The following GOLM1 variants were observed in gnomAD, a reference collection of about 807,000 sequenced individuals.
GOLM1 encodes the protein golgi membrane protein 1.
GOLM1 carries 31 observed loss-of-function variants against 50.5 expected under a neutral mutation model. The observed-to-expected ratio is 0.61, with a 90% confidence interval of 0.46 to 0.83. GOLM1 has a LOEUF of 0.83. GOLM1 is among the 40% of genes least tolerant of loss of function. The pLI, the probability that GOLM1 is intolerant of heterozygous loss-of-function variation, is 0.00. For missense variants in GOLM1, 491 were observed against 501.3 expected (o/e 0.98, Z 0.20); for synonymous variants, 178 against 192.8 (o/e 0.92, Z 0.64).
At chr9:86,071,104 C>CACACAT (rs1479066760) in intron 3 of GOLM1, among the ~76,000 whole-genome samples, 1 of 151,728 alleles carries the variant, frequency 6.6e-6, no homozygotes. Context: ...CACACACACA[C>CACACAT]ACGTATATTT....
At chr9:86,071,534 C>G (rs994945695) in intron 3 of GOLM1, among the ~76,000 whole-genome samples, 3 of 151,862 alleles carry the variant, frequency 2.0e-5, no homozygotes, top group African/African-American at 7.3e-5. Context: ...CAAAAATTAG[C>G]CGGGTGTGGT....
chr9:86,061,786 T>C (rs1007351294), intron 3 of GOLM1, among the ~76,000 whole-genome samples: 5 of 151,992 alleles, frequency 3.3e-5, no homozygotes, highest in African/African-American at 4.8e-5. Context: ...TGAGTGTGAG[T>C]TGAACTGAGT....
Position 86,035,365 on chromosome 9 carries a change from C to T in GOLM1, c.1015+3G>A, listed in dbSNP as rs759497142. 10 of 1,612,720 alleles carry T rather than the reference C, an allele frequency of 6.2e-6. No homozygotes were observed. The highest frequency in any genetic ancestry group is 8.5e-6 in the Non-Finnish European group (10 of 1,179,612). On this transcript the variant is annotated splice_donor_region_variant and intron_variant, in intron 8 of 9. Transcript: ENST00000388712. ...ACAGCGGCCCCCGAAACTTCACACC[C>T]ACCTTCCCCGGCAGCTTCCTGCTCC...
chr9:86,040,892 A>C (rs1587701569), intron 5 of GOLM1, 24 bp from the exon 6 acceptor site: 3 of 1,611,788 alleles, frequency 1.9e-6, no homozygotes, highest in Non-Finnish European at 2.5e-6. Flanking sequence ...AAGCAAAGGA[A>C]GGGCCTGACG....
intron 5 of GOLM1, 105 bp downstream of exon 5, chr9:86,046,365 G>C: frequency 1.4e-6 from 1 of 718,586 alleles, no homozygotes; most frequent in Non-Finnish European, 2.5e-6. Flanking sequence ...AGTCCCGCAC[G>C]GAGCAGAAGG....
At chr9:86,053,810 C>G (rs1311742675) in intron 3 of GOLM1, among the ~76,000 whole-genome samples, 2 of 144,974 alleles carry the variant, frequency 1.4e-5, no homozygotes, top group African/African-American at 5.0e-5. Flanking sequence ...ACACCATACA[C>G]CACACATCAC....
chr9:86,033,048 AAT>A (rs756228927), intron 9 of GOLM1, among the ~76,000 whole-genome samples: 2 of 152,176 alleles, frequency 1.3e-5, no homozygotes, highest in African/African-American at 2.4e-5. Flanking sequence ...AGCCACACTG[AAT>A]ATGTTTCTAG....
In GOLM1 at chr9:86,077,509, T is replaced by C; in HGVS notation, c.212A>G (p.Gln71Arg). The change falls in exon 3 of 10, where the codon CAG becomes CGG. Residue 71 changes from glutamine to arginine, a missense_variant. Physicochemically the swap from Gln to Arg is conservative, Grantham distance 43. Coordinates refer to ENST00000388712, the MANE Select transcript of GOLM1 (RefSeq NM_016548.4). ...CTCCCGCTGCTTCTCCAGCTCTCCCTGGAACTCGTTCTTCTTCAGCTCCAC... is the reference window on the plus strand; with the variant it reads ...CTCCCGCTGCTTCTCCAGCTCTCCCCGGAACTCGTTCTTCTTCAGCTCCAC... ...GAVELKKNEFQGELEKQREQL... is the reference protein window; with the variant it reads ...GAVELKKNEFRGELEKQREQL... The C allele has an allele frequency of 6.2e-7, 1 of 1,613,634 alleles. No homozygotes were observed. The highest frequency in any genetic ancestry group is 8.5e-7 in the Non-Finnish European group (1 of 1,179,504).
intron 3 of GOLM1, among the ~76,000 whole-genome samples, chr9:86,057,101 C>T (rs374140325): frequency 1.3e-5 from 2 of 152,166 alleles, no homozygotes; most frequent in African/African-American, 4.8e-5. Flanking sequence ...CCTAAAAACA[C>T]AGACAAGGAG....
intron 6 of GOLM1, among the ~76,000 whole-genome samples, chr9:86,039,694 G>C (rs535361122): frequency 6.6e-6 from 1 of 152,174 alleles, no homozygotes; most frequent in Non-Finnish European, 1.5e-5. Context: ...CAGTCCGGGC[G>C]TGGTGGCTCA....
intron 3 of GOLM1, among the ~76,000 whole-genome samples, chr9:86,053,640 ACAC>A (rs1276631702): frequency 8.4e-3 from 15 of 1,794 alleles, no homozygotes; most frequent in Admixed American, 0.019. Context: ...TACAAAACAC[ACAC>A]CACACCATGC....
At chr9:86,088,584 T>G (rs199519254) in intron 1 of GOLM1, among the ~76,000 whole-genome samples, 2,753 of 136,148 alleles carry the variant, frequency 0.02, 38 homozygotes, top group African/African-American at 0.026. Context: ...TTTTTTTTTT[T>G]TTTTGTTTTG....
chr9:86,034,911 AT>A (rs1379545571), intron 8 of GOLM1: 1 of 680,666 alleles, frequency 1.5e-6, no homozygotes. Flanking sequence ...AGTGATTCAC[AT>A]GTCATTTTTT....
At chr9:86,053,876 T>C (rs1833907247) in intron 3 of GOLM1, among the ~76,000 whole-genome samples, 1 of 147,176 alleles carries the variant, frequency 6.8e-6, no homozygotes, top group African/African-American at 2.5e-5. Flanking sequence ...AGCTCACAAC[T>C]GCACAACTCT....
At position 86,027,169 on chromosome 9, in the gene GOLM1, G is replaced by A; in HGVS notation, c.*648C>T. 1 of 985,330 alleles carries A rather than the reference G, an allele frequency of 1.0e-6. No individual in the cohort carries two copies. The highest frequency in any genetic ancestry group is 1.7e-5 in the African/African-American group (1 of 57,350). 61.0% of individuals were successfully genotyped at this position (985,330 alleles called of 1,614,324 possible). A position where few individuals can be genotyped will look rare whatever the true frequency, so the allele number is the denominator to read the frequency against. On this transcript the variant is annotated 3_prime_UTR_variant, in exon 10 of 10. Coordinates refer to ENST00000388712, the MANE Select transcript of GOLM1 (RefSeq NM_016548.4). ...ATTCTAAGCCACTTAATAGCGTTTT[G>A]TACATTAAAAATGACAAGGGTTATT...
chr9:86,035,470 C>A lies in GOLM1; in HGVS notation c.913G>T (p.Ala305Ser). The change falls in exon 8 of 10, where the codon GCC (alanine) becomes TCC (serine). Residue 305 changes from alanine to serine, a missense_variant. Physicochemically the swap from Ala to Ser is moderately conservative, Grantham distance 99. Coordinates refer to ENST00000388712, the MANE Select transcript of GOLM1 (RefSeq NM_016548.4). ...ELGQTPQVQAALSVSQENPEM... is the reference protein window; with the variant it reads ...ELGQTPQVQASLSVSQENPEM... ...GGATTTTCCTGGCTCACTGACAGGG[C>A]AGCCTGCACCTGTGGGGTCTGGCCC... The A allele has an allele frequency of 6.2e-7, 1 of 1,613,732 alleles. No individual in the cohort carries two copies. The highest frequency in any genetic ancestry group is 8.5e-7 in the Non-Finnish European group (1 of 1,179,950).
Position 86,059,147 on chromosome 9 carries a change from A to C in GOLM1, c.310-6556T>G, listed in dbSNP as rs536308789. Among the ~76,000 whole-genome samples the C allele has an allele frequency of 5.3e-5, 8 of 152,352 alleles. No individual in the cohort carries two copies. In the South Asian group the frequency reaches 1.7e-3, roughly 32 times the overall value. On this transcript the variant is annotated intron_variant, in intron 3 of 9. Coordinates refer to ENST00000388712, the MANE Select transcript of GOLM1 (RefSeq NM_016548.4). ...TGTGAAAGTCTGTCAGTTTCTCAAA[A>C]AGTTCAACACAGAGCTACCATATGA...
chr9:86,053,524 C>CCACATACTA (rs1833854755), intron 3 of GOLM1, among the ~76,000 whole-genome samples: 1 of 63,594 alleles, frequency 1.6e-5, no homozygotes, highest in Non-Finnish European at 4.2e-5. Context: ...ACACAACACA[C>CCACATACTA]CACTCCACAC....
At chr9:86,058,698 A>G (rs1834061883) in intron 3 of GOLM1, among the ~76,000 whole-genome samples, 1 of 146,014 alleles carries the variant, frequency 6.8e-6, no homozygotes, top group South Asian at 2.2e-4. Flanking sequence ...TCTGTCTCAA[A>G]AAAAAAAAAA....
Sources: allele counts gnomAD v4.1 joint callset (sites outside exome capture counted in the v4.1 genomes callset), GRCh38; gene constraint gnomAD v4.1.1; transcripts MANE v1.5; gene names NCBI Gene and HGNC (gene_info 2026-07-23, HGNC 2026-07-21).